DNAH3: variants seen among roughly 807,000 people sequenced by gnomAD.
DNAH3 encodes the protein axonemal beta dynein heavy chain 3.
DNAH3 carries 332 observed loss-of-function variants against 432.5 expected under a neutral mutation model. The observed-to-expected ratio is 0.77, with a 90% CI of 0.70 to 0.84. The LOEUF (loss-of-function observed/expected upper bound fraction) is 0.84. Ranked by LOEUF, DNAH3 falls within the 40% of genes least tolerant of loss-of-function variation. DNAH3 has a pLI of 0.00. For synonymous variants in DNAH3, 1,956 were observed against 1,900.2 expected (o/e 1.03, Z -0.76); for missense variants, 4,861 against 5,114.0 (o/e 0.95, Z 1.51).
intron 16 of DNAH3, among the ~76,000 whole-genome samples, chr16:21,099,664 C>G (rs527352346): frequency 5.9e-5 from 9 of 151,992 alleles, no homozygotes; most frequent in Non-Finnish European, 1.2e-4. Flanking sequence ...GTAGATAAAA[C>G]AAGGATAGAA....
chr16:20,992,620 G>A (rs1047419778), intron 44 of DNAH3, among the ~76,000 whole-genome samples: 7 of 152,094 alleles, frequency 4.6e-5, no homozygotes, highest in Non-Finnish European at 1.0e-4. Context: ...GATTACAGGC[G>A]TGAGCCACCG....
At chr16:21,077,372 A>T (rs901717879) in intron 20 of DNAH3, among the ~76,000 whole-genome samples, 3 of 152,050 alleles carry the variant, frequency 2.0e-5, no homozygotes, top group Non-Finnish European at 4.4e-5. Context: ...CATATTGGCC[A>T]CGCTGGTCTT....
At position 20,963,746 on chromosome 16, in the gene DNAH3, C is replaced by T. The variant is rs755591386; in HGVS notation, c.10138G>A (p.Gly3380Ser). Reference sequence around the variant, plus strand: ...ATTTCCTTCTTCTGTTTCATGATGCCGATGGTCAGGAGGAGAGAGAAGAGT... The same window carrying T: ...ATTTCCTTCTTCTGTTTCATGATGCTGATGGTCAGGAGGAGAGAGAAGAGT... Residue 3380 changes from glycine (G) to serine (S), a missense_variant, in exon 53 of 62, where the codon GGC becomes AGC. By Grantham distance (56) the Gly-to-Ser change is moderately conservative (BLOSUM62 0). Transcript: ENST00000261383. The T allele has an allele frequency of 2.4e-5, 38 of 1,613,748 alleles. No homozygotes were observed. In the Middle Eastern group the frequency reaches 4.9e-4, roughly 21 times the overall value.
intron 38 of DNAH3, among the ~76,000 whole-genome samples, chr16:21,026,804 T>A (rs1290436801): frequency 6.6e-6 from 1 of 150,722 alleles, no homozygotes; most frequent in African/African-American, 2.4e-5. Context: ...ACTGGGTGAC[T>A]AAACAATCTG....
intron 18 of DNAH3, among the ~76,000 whole-genome samples, chr16:21,095,113 A>G (rs2091640480): frequency 6.6e-6 from 1 of 152,232 alleles, no homozygotes; most frequent in Admixed American, 6.5e-5. Context: ...CACATTGGTG[A>G]GGGATGCACA....
At chr16:20,981,931 T>C (rs1483688862) in intron 49 of DNAH3, among the ~76,000 whole-genome samples, 1 of 149,200 alleles carries the variant, frequency 6.7e-6, no homozygotes, top group Non-Finnish European at 1.5e-5. Flanking sequence ...TATGCATATA[T>C]ACATACATAA....
At chr16:20,943,585 G>T (rs1451602482) in intron 58 of DNAH3, among the ~76,000 whole-genome samples, 1 of 152,106 alleles carries the variant, frequency 6.6e-6, no homozygotes, top group African/African-American at 2.4e-5. Flanking sequence ...TTTCGGGTCA[G>T]TGCCAATTCT....
intron 51 of DNAH3, among the ~76,000 whole-genome samples, chr16:20,971,466 A>G (rs1399558447): frequency 6.6e-6 from 1 of 152,160 alleles, no homozygotes; most frequent in Admixed American, 6.5e-5. Flanking sequence ...ATTCCGGTCC[A>G]CAAAAAAGCC....
chr16:20,956,179 C>T lies in DNAH3; in HGVS notation c.10827-1122G>A, dbSNP rs149832649. On this transcript the variant is annotated intron_variant, in intron 54 of 61. Coordinates refer to ENST00000261383, the Ensembl canonical transcript of DNAH3. Reference sequence around the variant, plus strand: ...CTGACCTCAGGTGATCCACCCACCTCGGCCCCCCAAAGTGCTAGGATTTAC... The same window carrying T: ...CTGACCTCAGGTGATCCACCCACCTTGGCCCCCCAAAGTGCTAGGATTTAC... 4.8e-3 allele frequency among the ~76,000 whole-genome samples: 735 copies of T among 152,226 alleles called. 7 individuals are homozygous for T. The highest frequency in any genetic ancestry group is 0.017 in the African/African-American group (705 of 41,534).
At chr16:21,134,871 A>G (rs1042473386) in intron 6 of DNAH3, among the ~76,000 whole-genome samples, 1 of 152,028 alleles carries the variant, frequency 6.6e-6, no homozygotes, top group African/African-American at 2.4e-5. Context: ...TATTTTCAGT[A>G]GATACAGGGT....
At chr16:21,121,612 T>C (rs2092343107) in intron 10 of DNAH3, among the ~76,000 whole-genome samples, 1 of 150,814 alleles carries the variant, frequency 6.6e-6, no homozygotes, top group Admixed American at 6.6e-5. Flanking sequence ...TTTCTTTTTT[T>C]TTTTTTGGAG....
exon 53 of DNAH3, chr16:20,963,504 G>A: frequency 2.5e-6 from 4 of 1,614,034 alleles, no homozygotes; most frequent in Non-Finnish European, 3.4e-6. Flanking sequence ...AAGACCCAGG[G>A]AGTTGCTCCT....
At chr16:21,149,173 G>T (rs2092822567) in intron 1 of DNAH3, among the ~76,000 whole-genome samples, 1 of 150,216 alleles carries the variant, frequency 6.7e-6, no homozygotes, top group Non-Finnish European at 1.5e-5. Flanking sequence ...ACGCTTCAGT[G>T]AGTGAAGATC....
intron 50 of DNAH3, among the ~76,000 whole-genome samples, chr16:20,978,153 G>T (rs978964522): frequency 6.6e-6 from 1 of 152,204 alleles, no homozygotes; most frequent in Non-Finnish European, 1.5e-5. Flanking sequence ...TTTGCTAAAG[G>T]CTGCACTGTG....
chr16:21,040,396 T>C (rs1788600858), intron 32 of DNAH3, among the ~76,000 whole-genome samples: 1 of 125,218 alleles, frequency 8.0e-6, no homozygotes, highest in Admixed American at 9.3e-5. Flanking sequence ...TAAGACAGAG[T>C]CTCTGTCACC....
exon 48 of DNAH3, chr16:20,985,535 G>C (rs1567584684): frequency 6.2e-7 from 1 of 1,614,158 alleles, no homozygotes; most frequent in Non-Finnish European, 8.5e-7. Context: ...AGGGACATGG[G>C]GGCCTTGCTG....
chr16:20,959,650 CACACA>C (rs1567529805), intron 53 of DNAH3, among the ~76,000 whole-genome samples: 4 of 150,354 alleles, frequency 2.7e-5, no homozygotes, highest in African/African-American at 7.3e-5. Flanking sequence ...CACACACACA[CACACA>C]CCCCAACACA....
At chr16:20,954,750 A>G in intron 55 of DNAH3, 63 bp downstream of exon 55, 1 of 1,554,680 alleles carries the variant, frequency 6.4e-7, no homozygotes, top group Non-Finnish European at 8.7e-7. Flanking sequence ...GCACCTGGAA[A>G]CACACCTATA....
intron 35 of DNAH3, among the ~76,000 whole-genome samples, chr16:21,036,034 G>C (rs762577162): frequency 6.6e-6 from 1 of 152,170 alleles, no homozygotes. Context: ...GAGGATAAAA[G>C]AGGTGAACTA....
Sources: allele counts gnomAD v4.1 joint callset (sites outside exome capture counted in the v4.1 genomes callset), GRCh38; gene constraint gnomAD v4.1.1; transcripts MANE v1.5; gene names NCBI Gene and HGNC (gene_info 2026-07-23, HGNC 2026-07-21).